PRMT3: variants seen among roughly 807,000 people sequenced by gnomAD.
PRMT3 encodes the protein protein arginine N-methyltransferase 3.
A neutral mutation model predicts 71.9 loss-of-function variants in PRMT3; 62 were observed. That is an observed-to-expected ratio of 0.86 (90% confidence interval 0.70 to 1.07). The LOEUF (loss-of-function observed/expected upper bound fraction) is 1.07. Among genes scored for constraint, PRMT3 ranks in the 50% least tolerant of loss-of-function variants. PRMT3 has a pLI of 0.00. For synonymous variants in PRMT3, 213 were observed against 220.4 expected (o/e 0.97, Z 0.30); for missense variants, 663 against 643.0 (o/e 1.03, Z -0.34).
chr11:20,397,814 T>C, intron 7 of PRMT3, 93 bp downstream of exon 7: 4 of 1,331,634 alleles, frequency 3.0e-6, no homozygotes, highest in South Asian at 1.6e-5. Context: ...GGAGACCTCT[T>C]TTTTTTGGGT....
At chr11:20,424,326 T>G (rs1389733978) in intron 9 of PRMT3, among the ~76,000 whole-genome samples, 2 of 152,206 alleles carry the variant, frequency 1.3e-5, no homozygotes, top group Non-Finnish European at 2.9e-5. Context: ...AGTGTTGTAT[T>G]GGCATAAGGA....
At chr11:20,486,907 A>G (rs1343746262) in intron 13 of PRMT3, among the ~76,000 whole-genome samples, 2 of 151,992 alleles carry the variant, frequency 1.3e-5, no homozygotes, top group African/African-American at 4.8e-5. Flanking sequence ...AATTACAAAG[A>G]TTAGCCGGGC....
intron 13 of PRMT3, among the ~76,000 whole-genome samples, chr11:20,470,800 G>T (rs1052862440): frequency 6.6e-6 from 1 of 152,058 alleles, no homozygotes; most frequent in South Asian, 2.1e-4. Flanking sequence ...CTGCCTCTAG[G>T]TCTTTGAGGA....
chr11:20,469,560 T>C (rs886584247), intron 13 of PRMT3, among the ~76,000 whole-genome samples: 1 of 152,210 alleles, frequency 6.6e-6, no homozygotes. Flanking sequence ...GTATCTCTTA[T>C]ACAAAATGCT....
At chr11:20,430,251 G>C (rs959290097) in intron 10 of PRMT3, among the ~76,000 whole-genome samples, 3 of 152,022 alleles carry the variant, frequency 2.0e-5, no homozygotes, top group Non-Finnish European at 1.5e-5. Context: ...AACAAGGAAA[G>C]ACAAAAATAG....
chr11:20,495,153 C>T (rs575732063), intron 15 of PRMT3, among the ~76,000 whole-genome samples: 2 of 152,150 alleles, frequency 1.3e-5, no homozygotes, highest in East Asian at 3.9e-4. Flanking sequence ...CTCAGTCTCC[C>T]AAGTAGCTGG....
chr11:20,479,276 C>T (rs879517559), intron 13 of PRMT3, among the ~76,000 whole-genome samples: 33 of 152,064 alleles, frequency 2.2e-4, no homozygotes, highest in Admixed American at 9.2e-4. Context: ...TCTCAGGAAA[C>T]GTTCTTTGAG....
chr11:20,393,841 A>G (rs961089403), intron 5 of PRMT3: 6 of 152,240 alleles, frequency 3.9e-5, no homozygotes, highest in Non-Finnish European at 8.8e-5. Context: ...TTTGAAATCA[A>G]AATACAAAAT....
At chr11:20,393,753 C>T (rs565678192) in intron 5 of PRMT3, 28 of 152,196 alleles carry the variant, frequency 1.8e-4, no homozygotes, top group African/African-American at 6.5e-4. Context: ...ATATTCTTAA[C>T]ATTAAAAAGT....
At chr11:20,503,517 C>A (rs900197727) in intron 15 of PRMT3, among the ~76,000 whole-genome samples, 2 of 152,128 alleles carry the variant, frequency 1.3e-5, no homozygotes, top group Admixed American at 6.5e-5. Flanking sequence ...AGTCCCCAAC[C>A]GTGATTCCCA....
intron 13 of PRMT3, among the ~76,000 whole-genome samples, chr11:20,474,750 G>A (rs1037103879): frequency 2.0e-5 from 3 of 152,174 alleles, no homozygotes; most frequent in Admixed American, 6.5e-5. Context: ...TCAGCATTTA[G>A]ACAAAAAGTT....
intron 15 of PRMT3, among the ~76,000 whole-genome samples, chr11:20,506,250 T>A (rs1200324410): frequency 6.6e-6 from 1 of 152,208 alleles, no homozygotes; most frequent in Non-Finnish European, 1.5e-5. Context: ...TCCATAAAGT[T>A]TGTAGAACTA....
At chr11:20,461,911 G>A in intron 11 of PRMT3, 69 bp from the exon 12 acceptor site, 2 of 1,308,072 alleles carry the variant, frequency 1.5e-6, no homozygotes, top group Admixed American at 4.9e-5. Context: ...TTATATTTAG[G>A]CTTTAAAAAA....
intron 9 of PRMT3, among the ~76,000 whole-genome samples, chr11:20,416,564 A>T (rs957981297): frequency 2.0e-5 from 3 of 152,144 alleles, no homozygotes; most frequent in African/African-American, 4.8e-5. Context: ...AAGATTTGGG[A>T]CATTACATAT....
intron 10 of PRMT3, among the ~76,000 whole-genome samples, chr11:20,445,047 T>G (rs1315770946): frequency 6.7e-6 from 1 of 149,408 alleles, no homozygotes; most frequent in Non-Finnish European, 1.5e-5. Context: ...TTAAATGTTA[T>G]GGGTTTTCCC....
chr11:20,462,011 A>G lies in PRMT3; in HGVS notation c.1104A>G (p.Val368=), dbSNP rs1850394866. 2 of 1,608,698 alleles carry G rather than the reference A, an allele frequency of 1.2e-6. No individual in the cohort carries two copies. The highest frequency in any genetic ancestry group is 4.5e-5 in the East Asian group (2 of 44,774). ...VYPDICTISL[V]AVSDVNKHAD... Reference sequence around the variant, plus strand: ...CTGACATTTGCACTATCAGCCTTGTAGCAGTGAGTGATGTGAATAAACATG... The same window carrying G: ...CTGACATTTGCACTATCAGCCTTGTGGCAGTGAGTGATGTGAATAAACATG... Residue 368 remains valine, a synonymous_variant, in exon 12 of 16, where the codon GTA becomes GTG. Coordinates refer to ENST00000331079, the MANE Select transcript of PRMT3 (RefSeq NM_005788.4).
chr11:20,424,840 G>C (rs1231567238), intron 9 of PRMT3, among the ~76,000 whole-genome samples: 1 of 152,142 alleles, frequency 6.6e-6, no homozygotes, highest in East Asian at 1.9e-4. Context: ...ATACAACTGG[G>C]CTAAGTGTGG....
intron 13 of PRMT3, among the ~76,000 whole-genome samples, chr11:20,490,882 G>T (rs961863443): frequency 1.3e-5 from 2 of 152,126 alleles, no homozygotes; most frequent in Non-Finnish European, 2.9e-5. Context: ...TATTGGCAAT[G>T]AATTTCTTTA....
intron 13 of PRMT3, among the ~76,000 whole-genome samples, chr11:20,468,622 G>A (rs1850570182): frequency 6.6e-6 from 1 of 152,110 alleles, no homozygotes; most frequent in African/African-American, 2.4e-5. Flanking sequence ...GCCTGCCTCA[G>A]CCTCTCAAAG....
Sources: gnomAD v4.1 joint callset for allele counts (sites outside exome capture counted in the v4.1 genomes callset) on GRCh38, gnomAD v4.1.1 for gene constraint, MANE v1.5 for transcripts, NCBI Gene and HGNC (gene_info 2026-07-23, HGNC 2026-07-21) for gene names.